HEPH: variants seen among roughly 807,000 people sequenced by gnomAD.
The protein encoded by HEPH is hephaestin.
In HEPH, 69 loss-of-function variants were observed where a neutral mutation model predicts 80.8. That is an observed-to-expected ratio of 0.85 (90% CI 0.70 to 1.04). The LOEUF is 1.04. Among genes scored for constraint, HEPH ranks in the 50% least tolerant of loss-of-function variants. The pLI is 0.00. For missense variants in HEPH, 1,115 were observed against 891.3 expected (o/e 1.25, Z -3.20); for synonymous variants, 431 against 322.8 (o/e 1.34, Z -3.60).
chrX:66,224,707 G>A (rs947123549), intron 15 of HEPH, among the ~76,000 whole-genome samples: 1 of 111,744 alleles, frequency 8.9e-6, no homozygotes, highest in Non-Finnish European at 1.9e-5. Flanking sequence ...ACAACAAAGT[G>A]GTATTGGAGT....
chrX:66,229,665 A>G (rs2090039553), intron 15 of HEPH, among the ~76,000 whole-genome samples: 1 of 112,095 alleles, frequency 8.9e-6, no homozygotes, highest in South Asian at 3.7e-4. Flanking sequence ...TTTATACCAG[A>G]TATATCTTAA....
chrX:66,194,102 T>C (rs1327970392), intron 8 of HEPH, among the ~76,000 whole-genome samples: 1 of 111,676 alleles, frequency 9.0e-6, no homozygotes, highest in Non-Finnish European at 1.9e-5. Context: ...AGTCTGAACT[T>C]GAAGAAGGTA....
At chrX:66,218,512 C>G (rs1327826205) in intron 15 of HEPH, among the ~76,000 whole-genome samples, 3 of 111,833 alleles carry the variant, frequency 2.7e-5, no homozygotes. Flanking sequence ...AATAGTGACA[C>G]AACCTATCGA....
chrX:66,255,681 A>T (rs892294915), intron 16 of HEPH, among the ~76,000 whole-genome samples: 13 of 111,548 alleles, frequency 1.2e-4, no homozygotes, highest in Admixed American at 7.6e-4. Context: ...TTCAAAGAGT[A>T]TGGTCTAGTT....
At chrX:66,172,807 C>G (rs1817558580) in intron 3 of HEPH, among the ~76,000 whole-genome samples, 1 of 112,019 alleles carries the variant, frequency 8.9e-6, no homozygotes, top group Admixed American at 9.5e-5. Flanking sequence ...GTCATTGTCT[C>G]TCTCTGGGTC....
chrX:66,176,101 A>ACTTTTCCACATTC (rs2086791872), intron 4 of HEPH, among the ~76,000 whole-genome samples: 1 of 111,513 alleles, frequency 9.0e-6, no homozygotes. Flanking sequence ...CCAGTTCTCA[A>ACTTTTCCACATTC]AGGGAATGCT....
intron 4 of HEPH, among the ~76,000 whole-genome samples, chrX:66,177,267 T>A (rs755790652): frequency 8.9e-6 from 1 of 112,197 alleles, no homozygotes; most frequent in African/African-American, 3.2e-5. Flanking sequence ...TTCCTCTTTC[T>A]CTCTCTTGTG....
At chrX:66,199,391 C>A (rs1431739656) in intron 11 of HEPH, among the ~76,000 whole-genome samples, 1 of 107,707 alleles carries the variant, frequency 9.3e-6, no homozygotes, top group African/African-American at 3.4e-5. Flanking sequence ...CCAACTGGGG[C>A]TATTTTTCTT....
Position 66,266,766 on chromosome X carries a change from T to C in HEPH, c.*94T>C, listed in dbSNP as rs751090013. ...CACTAACCCCACACTCAAAGGGGCA[T>C]GGGTGGTGGAGAAGCAGAAGGAGCA... On this transcript the variant is annotated 3_prime_UTR_variant, in exon 21 of 21. Coordinates refer to ENST00000343002, the MANE Select transcript of HEPH (RefSeq NM_001367233.3). 3.4e-5 allele frequency: 18 copies of C among 525,601 alleles called. No homozygotes were observed. In the South Asian group the frequency reaches 4.1e-4, roughly 12 times the overall value. The allele number at this position is 525,601 out of a possible 1,213,427, so 43.3% of individuals were successfully genotyped here.
intron 6 of HEPH, 109 bp downstream of exon 6, chrX:66,190,047 A>G: frequency 1.9e-5 from 16 of 822,003 alleles, no homozygotes; most frequent in Non-Finnish European, 2.5e-5. Context: ...CAGTTGAGGC[A>G]TCTTGGGATA....
intron 2 of HEPH, among the ~76,000 whole-genome samples, chrX:66,171,799 A>AT (rs34697314): frequency 7.3e-4 from 78 of 106,779 alleles, no homozygotes; most frequent in South Asian, 2.4e-3. Context: ...GTGTATTTGA[A>AT]TTTTTTTTTT....
rs1214789575 is a variant in HEPH, at chrX:66,193,546, G to A, written c.1277G>A (p.Gly426Asp). Residue 426 changes from glycine to aspartate, a missense_variant, in exon 8 of 21, where the codon GGC (glycine) becomes GAC (aspartate). Around this residue, in one of 3 missense-constraint regions of HEPH, gnomAD observed 391 missense variants for 343.6 expected, o/e 1.14. Transcript: ENST00000343002. Reference protein sequence around the residue: ...FFQKSSSRIGGTYWKVRYEAF... With the variant: ...FFQKSSSRIGDTYWKVRYEAF... ...CAGAAGAGCTCCAGCCGAATTGGGGGCACTTACTGGAAAGTGCGATATGAA... is the reference window on the plus strand; with the variant it reads ...CAGAAGAGCTCCAGCCGAATTGGGGACACTTACTGGAAAGTGCGATATGAA... 1.7e-6 allele frequency: 2 copies of A among 1,186,284 alleles called. No homozygotes were observed. Among genetic ancestry groups the A allele is most frequent in the Non-Finnish European group, 1.1e-6 (1 of 877,414 alleles).
At chrX:66,264,606 G>A (rs972802951) in intron 20 of HEPH, among the ~76,000 whole-genome samples, 19 of 108,604 alleles carry the variant, frequency 1.7e-4, no homozygotes, top group Middle Eastern at 4.3e-3. Context: ...AGGAACATTA[G>A]AGATAATTAG....
At chrX:66,230,650 G>C (rs1179753686) in intron 15 of HEPH, among the ~76,000 whole-genome samples, 6 of 99,747 alleles carry the variant, frequency 6.0e-5, no homozygotes, top group African/African-American at 2.3e-4. Context: ...AAATTTGTTT[G>C]AGTTCATTGT....
chrX:66,231,203 G>A (rs1209493120), intron 15 of HEPH, among the ~76,000 whole-genome samples: 8 of 109,041 alleles, frequency 7.3e-5, no homozygotes, highest in African/African-American at 2.3e-4. Flanking sequence ...TTTGAAGTCA[G>A]GTAGTGTGAT....
intron 4 of HEPH, among the ~76,000 whole-genome samples, chrX:66,178,898 A>G (rs925166375): frequency 1.8e-5 from 2 of 111,477 alleles, no homozygotes; most frequent in African/African-American, 6.5e-5. Context: ...TGTAGGTTGC[A>G]TGTTCACTCT....
chrX:66,203,417 G>T lies in HEPH; in HGVS notation c.2131G>T (p.Ala711Ser). Reference sequence around the variant, plus strand: ...CAGCCATCGAGAAGCAGGGATGAGGGCAATCTATAATGTCTCCCAGTGTCC... The same window carrying T: ...CAGCCATCGAGAAGCAGGGATGAGGTCAATCTATAATGTCTCCCAGTGTCC... ...AGSHREAGMR[A>S]IYNVSQCPGH... Residue 711 changes from alanine (A) to serine (S), a missense_variant, in exon 13 of 21, where the codon GCA (alanine) becomes TCA (serine). Physicochemically the swap from Ala to Ser is moderately conservative, Grantham distance 99. Around this residue, in one of 3 missense-constraint regions of HEPH, gnomAD observed 716 missense variants for 523.5 expected, o/e 1.37. Transcript: ENST00000343002. 8.3e-7 allele frequency: 1 copy of T among 1,210,451 alleles called. No individual in the cohort carries two copies. Among genetic ancestry groups the T allele is most frequent in the Non-Finnish European group, 1.1e-6 (1 of 895,110 alleles).
chrX:66,168,630 G>A (rs1454118421), intron 1 of HEPH, among the ~76,000 whole-genome samples: 3 of 112,006 alleles, frequency 2.7e-5, no homozygotes, highest in African/African-American at 9.7e-5. Context: ...AGTTTGTGAA[G>A]TAGTCTATAA....
chrX:66,247,204 A>G (rs1033618986), intron 15 of HEPH, among the ~76,000 whole-genome samples: 20 of 109,733 alleles, frequency 1.8e-4, no homozygotes, highest in African/African-American at 6.6e-4. Flanking sequence ...GTGTAGATTT[A>G]CATGTTTTGT....
Sources: allele counts gnomAD v4.1 joint callset (sites outside exome capture counted in the v4.1 genomes callset), GRCh38; gene constraint gnomAD v4.1.1; regional missense constraint gnomAD v4.1.1; transcripts MANE v1.5; gene names NCBI Gene and HGNC (gene_info 2026-07-23, HGNC 2026-07-21).